The following PTPRN2 variants were observed in gnomAD, a reference collection of about 807,000 sequenced individuals.
PTPRN2 encodes the protein protein tyrosine phosphatase receptor type N2.
A neutral mutation model predicts 118.8 loss-of-function variants in PTPRN2; 74 were observed. The observed-to-expected ratio is 0.62, with a 90% CI of 0.52 to 0.76. The LOEUF (loss-of-function observed/expected upper bound fraction) is 0.76. Ranked by LOEUF, PTPRN2 falls within the 30% of genes least tolerant of loss-of-function variation. The pLI, the probability that PTPRN2 is intolerant of heterozygous loss-of-function variation, is 0.00. For missense variants in PTPRN2, 1,481 were observed against 1,394.4 expected, an observed-to-expected ratio of 1.06 and a Z score of -0.99; for synonymous variants, 641 against 608.0, an observed-to-expected ratio of 1.05 and a Z score of -0.80.
chr7:158,305,083 G>A (rs1222018072), intron 3 of PTPRN2, among the ~76,000 whole-genome samples: 1 of 152,190 alleles, frequency 6.6e-6, no homozygotes, highest in Admixed American at 6.5e-5. Flanking sequence ...TGTTAACGCT[G>A]GTCAGCTGTG....
intron 3 of PTPRN2, among the ~76,000 whole-genome samples, chr7:158,267,569 C>T (rs74505345): frequency 0.037 from 5,628 of 152,254 alleles, 146 homozygotes; most frequent in East Asian, 0.11. Context: ...GGAACCCTTA[C>T]ACGGGGGTGA....
At chr7:157,555,684 T>C (rs765268424) in intron 21 of PTPRN2, among the ~76,000 whole-genome samples, 7 of 152,252 alleles carry the variant, frequency 4.6e-5, no homozygotes, top group Non-Finnish European at 1.0e-4. Flanking sequence ...AGGGATGCAA[T>C]GTATTCTTTT....
intron 2 of PTPRN2, among the ~76,000 whole-genome samples, chr7:158,443,898 A>C (rs1586690797): frequency 6.6e-6 from 1 of 152,150 alleles, no homozygotes; most frequent in South Asian, 2.1e-4. Flanking sequence ...AGCTGCTCCC[A>C]TGTGGCACCC....
chr7:157,945,718 T>C (rs1197008305), intron 11 of PTPRN2, among the ~76,000 whole-genome samples: 5 of 56,112 alleles, frequency 8.9e-5, no homozygotes, highest in Non-Finnish European at 1.5e-4. Context: ...ACTTGGATGA[T>C]GCCACCTCCA....
chr7:157,706,112 A>C (rs1196410562), intron 12 of PTPRN2, among the ~76,000 whole-genome samples: 1 of 151,422 alleles, frequency 6.6e-6, no homozygotes, highest in Non-Finnish European at 1.5e-5. Context: ...ATTAACGTGG[A>C]CCACATTCCT....
intron 11 of PTPRN2, among the ~76,000 whole-genome samples, chr7:158,075,682 T>C (rs10232468): frequency 0.36 from 55,055 of 152,200 alleles, 11,713 homozygotes; most frequent in African/African-American, 0.59. Flanking sequence ...GAGTCAGGGA[T>C]GTTCTAAGAG....
Position 158,497,736 on chromosome 7 carries a change from G to A in PTPRN2, c.113-7951C>T, listed in dbSNP as rs551366316. 1.4e-4 allele frequency among the ~76,000 whole-genome samples: 21 copies of A among 152,352 alleles called. 1 individual carries two copies. In the South Asian group the frequency reaches 4.3e-3, roughly 32 times the overall value. ...TGCACACTCAATTGCCATGAACGAT[G>A]GGAGCTGACCGCTGGCAAGTTCAGG... is the stretch of plus-strand genomic sequence containing the variant. On this transcript the variant is annotated intron_variant, in intron 1 of 22. Coordinates refer to ENST00000389418, the MANE Select transcript of PTPRN2 (RefSeq NM_002847.5).
chr7:157,584,739 A>G (rs1193838072), intron 17 of PTPRN2, among the ~76,000 whole-genome samples: 1 of 152,156 alleles, frequency 6.6e-6, no homozygotes, highest in Admixed American at 6.5e-5. Flanking sequence ...ATGGGAAAAC[A>G]CTCGTATTTC....
rs372325670 is a variant in PTPRN2 at position 158,316,959 on chromosome 7, G to C, written c.164-27C>G. 4 of 1,536,710 alleles carry C rather than the reference G, an allele frequency of 2.6e-6. No homozygotes were observed. In the African/African-American group the frequency reaches 5.5e-5, roughly 21 times the overall value. On this transcript the variant is annotated intron_variant, in intron 2 of 22. Coordinates refer to ENST00000389418, the MANE Select transcript of PTPRN2 (RefSeq NM_002847.5). ...TGTGAGAAGGGAAGGAGATAAGACA[G>C]AACGAGACGTTTCATTTTCAGAGAG...
At chr7:158,252,174 G>A (rs1796725927) in intron 3 of PTPRN2, among the ~76,000 whole-genome samples, 1 of 152,172 alleles carries the variant, frequency 6.6e-6, no homozygotes, top group Non-Finnish European at 1.5e-5. Flanking sequence ...CAGCTGCTTG[G>A]AGTGGGTGGG....
chr7:158,187,542 T>C lies in PTPRN2; in HGVS notation c.549+4785A>G, dbSNP rs183786380. On this transcript the variant is annotated intron_variant, in intron 5 of 22. Transcript: ENST00000389418. ...TCTGGTCACGCACTTCCTGTGCTTA[T>C]TCAGTCTTTGTTCATTAGCAAGATG... 3.9e-5 allele frequency among the ~76,000 whole-genome samples: 6 copies of C among 152,342 alleles called. No individual in the cohort carries two copies. In the East Asian group the frequency reaches 1.2e-3, roughly 29 times the overall value.
rs544479414 is a variant in PTPRN2, at chr7:158,523,364, G to A, written c.113-33579C>T. Among the ~76,000 whole-genome samples, 795 of 150,726 alleles carry A rather than the reference G, an allele frequency of 5.3e-3. 2 individuals carry two copies. Among genetic ancestry groups the A allele is most frequent in the African/African-American group, 0.019 (765 of 40,228 alleles). On this transcript the variant is annotated intron_variant, in intron 1 of 22. Transcript: ENST00000389418. The stretch of plus-strand genomic sequence containing the variant: ...GCGAGTCTGCCCTGAAGTGGAGTCT[G>A]CCCTGGAGTGGAGTCGTCTGCCCTG...
In PTPRN2 at chr7:157,796,076, C is replaced by T. The variant is rs561116951; in HGVS notation, c.1788+102597G>A. 8.5e-5 allele frequency among the ~76,000 whole-genome samples: 13 copies of T among 152,314 alleles called. No homozygotes were observed. The East Asian group carries it at 2.1e-3, about 25-fold the overall frequency. ...GCAAATAAACACACGCGTTCCAGGA[C>T]GTGAGATACGGCCTCCACATCAATC... On this transcript the variant is annotated intron_variant, in intron 12 of 22. Coordinates refer to ENST00000389418, the MANE Select transcript of PTPRN2 (RefSeq NM_002847.5).
intron 2 of PTPRN2, among the ~76,000 whole-genome samples, chr7:158,341,653 A>T (rs1250879414): frequency 1.0e-5 from 1 of 97,740 alleles, no homozygotes; most frequent in African/African-American, 4.6e-5. Flanking sequence ...GACGTCACTC[A>T]CACCCACACT....
At chr7:158,346,562 C>T (rs1807528529) in intron 2 of PTPRN2, among the ~76,000 whole-genome samples, 1 of 152,188 alleles carries the variant, frequency 6.6e-6, no homozygotes, top group African/African-American at 2.4e-5. Flanking sequence ...CCATTGTGGA[C>T]AGTGCTGCAG....
intron 1 of PTPRN2, among the ~76,000 whole-genome samples, chr7:158,522,985 C>A (rs1294255334): frequency 1.3e-5 from 2 of 152,182 alleles, no homozygotes; most frequent in Admixed American, 6.5e-5. Context: ...ATGGGAATTT[C>A]AAGAATAGCC....
At chr7:157,979,549 T>G (rs550148342) in intron 11 of PTPRN2, among the ~76,000 whole-genome samples, 89 of 152,348 alleles carry the variant, frequency 5.8e-4, no homozygotes, top group Non-Finnish European at 1.1e-3. Context: ...GCAGACACTA[T>G]GGGAGCCCAC....
In PTPRN2 at chr7:157,783,108, C is replaced by T. The variant is rs949108683; in HGVS notation, c.1789-100171G>A. 3.9e-5 allele frequency among the ~76,000 whole-genome samples: 6 copies of T among 152,132 alleles called. No homozygotes were observed. The East Asian group carries it at 7.7e-4, about 20-fold the overall frequency. On this transcript the variant is annotated intron_variant, in intron 12 of 22. Transcript: ENST00000389418. ...TTTGCTCGGCACTTCTCCTTGCTGC[C>T]GCCACGTGAAGAAGAACATGTTTGC... is the stretch of plus-strand genomic sequence containing the variant.
chr7:158,572,917 A>C (rs1300806605), intron 1 of PTPRN2, among the ~76,000 whole-genome samples: 1 of 152,256 alleles, frequency 6.6e-6, no homozygotes, highest in Non-Finnish European at 1.5e-5. Context: ...GTATGAGTTT[A>C]TACTTTCTGA....
Sources: allele counts gnomAD v4.1 joint callset (sites outside exome capture counted in the v4.1 genomes callset), GRCh38; gene constraint gnomAD v4.1.1; transcripts MANE v1.5; gene names NCBI Gene and HGNC (gene_info 2026-07-23, HGNC 2026-07-21).